Variants in HRH1 observed in about 807,000 individuals in gnomAD.
The protein encoded by HRH1 is histamine H1 receptor.
HRH1 carries 6 observed loss-of-function variants against 10.3 expected under a neutral mutation model. The ratio of observed to expected loss-of-function variants is 0.58; its 90% CI spans 0.32 to 1.15. The LOEUF is 1.15. Ranked by LOEUF, HRH1 falls within the 50% of genes most tolerant of loss-of-function variation. The pLI is 0.05. For synonymous variants in HRH1, 242 were observed against 236.7 expected, an observed-to-expected ratio of 1.02 and a Z score of -0.21; for missense variants, 514 against 615.3, an observed-to-expected ratio of 0.84 and a Z score of 1.74.
chr3:11,251,496 T>G (rs1460248224), intron 1 of HRH1, among the ~76,000 whole-genome samples: 1 of 152,192 alleles, frequency 6.6e-6, no homozygotes, highest in Non-Finnish European at 1.5e-5. Context: ...AGTCATTAGG[T>G]AGGGTGTCTC....
intron 1 of HRH1, among the ~76,000 whole-genome samples, chr3:11,219,164 C>G (rs539892312): frequency 4.6e-5 from 7 of 152,250 alleles, no homozygotes; most frequent in Non-Finnish European, 7.4e-5. Context: ...GCTGGGATTA[C>G]AGGAGTGAGC....
intron 1 of HRH1, among the ~76,000 whole-genome samples, chr3:11,163,465 T>C (rs58877596): frequency 0.13 from 20,162 of 152,138 alleles, 1,571 homozygotes; most frequent in East Asian, 0.3. Context: ...GGTCAAAACA[T>C]GGGCTTGGAG....
chr3:11,177,574 C>T (rs530176654), intron 1 of HRH1, among the ~76,000 whole-genome samples: 2 of 152,336 alleles, frequency 1.3e-5, no homozygotes, highest in South Asian at 2.1e-4. Context: ...CCACAGCACT[C>T]GTCCCCCTGA....
chr3:11,199,318 T>C (rs567600956), intron 1 of HRH1, among the ~76,000 whole-genome samples: 1 of 152,206 alleles, frequency 6.6e-6, no homozygotes, highest in East Asian at 1.9e-4. Context: ...CTCCTTAGAG[T>C]CTAGTGCTTA....
At chr3:11,235,200 G>A (rs7623395) in intron 1 of HRH1, among the ~76,000 whole-genome samples, 11,286 of 150,916 alleles carry the variant, frequency 0.075, 706 homozygotes, top group African/African-American at 0.17. Context: ...GGGTGACAGA[G>A]TGAGACTCCA....
At chr3:11,221,832 T>A (rs1938721221) in intron 1 of HRH1, among the ~76,000 whole-genome samples, 1 of 152,186 alleles carries the variant, frequency 6.6e-6, no homozygotes. Context: ...TTTATATAAG[T>A]GGAATCATGC....
At chr3:11,145,016 G>A (rs1330683727) in intron 1 of HRH1, among the ~76,000 whole-genome samples, 2 of 152,214 alleles carry the variant, frequency 1.3e-5, no homozygotes, top group South Asian at 2.1e-4. Context: ...GGTTACCAAA[G>A]TCTTCCTCCT....
rs1197704103 is a variant in HRH1, at chr3:11,261,233, A to G, written c.*732A>G. 2 of 167,104 alleles carry G rather than the reference A, an allele frequency of 1.2e-5. No homozygotes were observed. The highest frequency in any genetic ancestry group is 4.8e-5 in the African/African-American group (2 of 41,464). The allele number at this position is 167,104 out of a possible 1,614,324, so 10.4% of individuals were successfully genotyped here. ...CCAAATTTCCTTTGGCTATTAAAAA[A>G]GTGGTGGCAAAAGACATCCTCAAAA... On this transcript the variant is annotated 3_prime_UTR_variant, in exon 2 of 2. Coordinates refer to ENST00000431010, the MANE Select transcript of HRH1 (RefSeq NM_001098212.2).
At chr3:11,218,216 G>A (rs191256097) in intron 1 of HRH1, among the ~76,000 whole-genome samples, 9 of 152,266 alleles carry the variant, frequency 5.9e-5, no homozygotes, top group South Asian at 4.1e-4. Context: ...GGAGGCCAAG[G>A]CGGGTGGATC....
intron 1 of HRH1, among the ~76,000 whole-genome samples, chr3:11,255,934 A>G (rs1279925081): frequency 6.6e-6 from 1 of 152,128 alleles, no homozygotes; most frequent in African/African-American, 2.4e-5. Flanking sequence ...TTCACAGCCT[A>G]CTTTCTTCCT....
chr3:11,235,070 C>T, intron 1 of HRH1, among the ~76,000 whole-genome samples: 1 of 151,942 alleles, frequency 6.6e-6, no homozygotes, highest in South Asian at 2.1e-4. Flanking sequence ...AAAAAATTAG[C>T]TGGGCGTGGT....
At chr3:11,177,460 A>AGG (rs1398287602) in intron 1 of HRH1, among the ~76,000 whole-genome samples, 9 of 152,102 alleles carry the variant, frequency 5.9e-5, no homozygotes, top group Non-Finnish European at 1.2e-4. Flanking sequence ...GCATCCCTTA[A>AGG]GACCCAACTC....
intron 1 of HRH1, among the ~76,000 whole-genome samples, chr3:11,258,470 C>A (rs1939843198): frequency 6.6e-6 from 1 of 152,156 alleles, no homozygotes; most frequent in Non-Finnish European, 1.5e-5. Context: ...GGCAAGTGAG[C>A]AACAACAATT....
chr3:11,169,468 C>T (rs1181182716), intron 1 of HRH1, among the ~76,000 whole-genome samples: 4 of 152,090 alleles, frequency 2.6e-5, no homozygotes, highest in African/African-American at 9.7e-5. Flanking sequence ...ACACCCCAGC[C>T]CACCTTATCC....
At chr3:11,252,491 C>G (rs1344675221) in intron 1 of HRH1, among the ~76,000 whole-genome samples, 1 of 152,154 alleles carries the variant, frequency 6.6e-6, no homozygotes, top group Non-Finnish European at 1.5e-5. Flanking sequence ...TATGGAGACT[C>G]CGTAAACCCC....
At chr3:11,258,802 A>C (rs1939853380) in intron 1 of HRH1, among the ~76,000 whole-genome samples, 1 of 152,226 alleles carries the variant, frequency 6.6e-6, no homozygotes, top group Non-Finnish European at 1.5e-5. Flanking sequence ...CACCTAGAAG[A>C]GTGACAGAAA....
intron 1 of HRH1, 62 bp from the exon 2 acceptor site, chr3:11,258,941 G>T (rs1939856188): frequency 2.6e-6 from 3 of 1,172,190 alleles, no homozygotes; most frequent in Admixed American, 2.5e-5. Context: ...TGAACATCAT[G>T]CTACTAAGTG....
intron 1 of HRH1, among the ~76,000 whole-genome samples, chr3:11,224,342 G>C (rs1045493693): frequency 2.6e-5 from 4 of 152,200 alleles, no homozygotes; most frequent in Admixed American, 2.0e-4. Context: ...GATACATCTA[G>C]CTAGGGGAGG....
chr3:11,173,573 T>C lies in HRH1; in HGVS notation c.-36+19019T>C, dbSNP rs1439081733. 7.9e-5 allele frequency among the ~76,000 whole-genome samples: 12 copies of C among 151,814 alleles called. 1 individual carries two copies. In the South Asian group the frequency reaches 2.5e-3, roughly 31 times the overall value. On this transcript the variant is annotated intron_variant, in intron 1 of 1. Transcript: ENST00000431010. ...CCCGCCACCACACCCAGCTAATAAT[T>C]ATATTTTTGATATTTATTATTAGAT...
Sources: allele counts gnomAD v4.1 joint callset (sites outside exome capture counted in the v4.1 genomes callset), GRCh38; gene constraint gnomAD v4.1.1; transcripts MANE v1.5; gene names NCBI Gene and HGNC (gene_info 2026-07-23, HGNC 2026-07-21).